The following CNTN5 variants were observed in gnomAD, a reference collection of about 807,000 sequenced individuals.
The protein encoded by CNTN5 is contactin-5.
Under a neutral mutation model 129.1 loss-of-function variants are expected in CNTN5, and 77 were observed. That is an observed-to-expected ratio of 0.60 (90% CI 0.50 to 0.72). CNTN5 has a LOEUF of 0.72. Among genes scored for constraint, CNTN5 ranks in the 30% least tolerant of loss-of-function variants. The probability of loss-of-function intolerance (pLI) is 0.00; values close to 1 mark genes in which losing one functional copy is unlikely to be tolerated. For synonymous variants in CNTN5, 509 were observed against 465.6 expected (o/e 1.09, Z -1.20); for missense variants, 1,478 against 1,328.8 (o/e 1.11, Z -1.75).
chr11:99,027,715 G>A (rs939846141), intron 1 of CNTN5, among the ~76,000 whole-genome samples: 5 of 151,664 alleles, frequency 3.3e-5, no homozygotes, highest in Non-Finnish European at 5.9e-5. Flanking sequence ...TTGAGTGGAA[G>A]GCAGTTTAAA....
Position 99,527,702 on chromosome 11 carries a change from A to G in CNTN5, c.-70-28443A>G, listed in dbSNP as rs1236449616. Among the ~76,000 whole-genome samples the G allele has an allele frequency of 2.0e-5, 3 of 152,346 alleles. No individual in the cohort carries two copies. In the East Asian group the frequency reaches 5.8e-4, roughly 29 times the overall value. On this transcript the variant is annotated intron_variant, in intron 2 of 24. Transcript: ENST00000524871. Reference sequence around the variant, plus strand: ...GAAGCCATGTGAAGTGAGGTTCAGCAGAAGCCTCGAATGGGAAAGTGTTCA... The same window carrying G: ...GAAGCCATGTGAAGTGAGGTTCAGCGGAAGCCTCGAATGGGAAAGTGTTCA...
rs757656509 is a variant in CNTN5, at chr11:99,845,200, A to G, written c.515A>G (p.Gln172Arg). Residue 172 changes from glutamine (Q) to arginine (R), a missense_variant, in exon 6 of 25, where the codon CAG becomes CGG. Coordinates refer to ENST00000524871, the MANE Select transcript of CNTN5 (RefSeq NM_014361.4). ...PSEAKDSGHYQCLATNTVGSI... is the reference protein window; with the variant it reads ...PSEAKDSGHYRCLATNTVGSI... Reference sequence around the variant, plus strand: ...GAAGCAAAGGATTCTGGTCATTATCAGTGTTTAGCAACCAACACTGTGGGG... The same window carrying G: ...GAAGCAAAGGATTCTGGTCATTATCGGTGTTTAGCAACCAACACTGTGGGG... 16 of 1,613,638 alleles carry G rather than the reference A, an allele frequency of 9.9e-6. No individual in the cohort carries two copies. The Admixed American group carries it at 2.5e-4, about 25-fold the overall frequency.
chr11:99,832,748 G>A (rs1048533032), intron 4 of CNTN5, among the ~76,000 whole-genome samples: 8 of 152,036 alleles, frequency 5.3e-5, no homozygotes, highest in East Asian at 1.9e-4. Context: ...GTCACATAAA[G>A]TATACTAATG....
intron 2 of CNTN5, among the ~76,000 whole-genome samples, chr11:99,524,460 C>G (rs1349698416): frequency 6.6e-6 from 1 of 151,970 alleles, no homozygotes; most frequent in African/African-American, 2.4e-5. Flanking sequence ...ATCACCAAAG[C>G]CTTTAGTGGT....
At chr11:99,741,208 C>T (rs535091944) in intron 3 of CNTN5, among the ~76,000 whole-genome samples, 15 of 152,180 alleles carry the variant, frequency 9.9e-5, no homozygotes, top group East Asian at 1.9e-4. Context: ...CTAATTAGAA[C>T]GACTAACAGT....
At chr11:99,178,569 T>C (rs1025754017) in intron 1 of CNTN5, among the ~76,000 whole-genome samples, 10 of 151,960 alleles carry the variant, frequency 6.6e-5, no homozygotes, top group African/African-American at 1.9e-4. Flanking sequence ...GAGAAATAAG[T>C]GTCATTAATG....
intron 6 of CNTN5, among the ~76,000 whole-genome samples, chr11:99,855,111 C>T (rs553246342): frequency 6.7e-4 from 102 of 152,166 alleles, no homozygotes; most frequent in South Asian, 3.7e-3. Flanking sequence ...GAGTTCAAGA[C>T]CAGCCTGGGC....
intron 3 of CNTN5, among the ~76,000 whole-genome samples, chr11:99,628,421 A>T (rs1362551070): frequency 2.6e-5 from 4 of 152,090 alleles, no homozygotes; most frequent in African/African-American, 7.2e-5. Context: ...AAAGTAAAGC[A>T]TCTGTTATTC....
intron 3 of CNTN5, among the ~76,000 whole-genome samples, chr11:99,687,782 T>G (rs1953859399): frequency 6.6e-6 from 1 of 152,224 alleles, no homozygotes; most frequent in South Asian, 2.1e-4. Flanking sequence ...TGCAAAAGTC[T>G]TGGTAATATG....
chr11:99,247,071 A>G (rs1397655827), intron 1 of CNTN5, among the ~76,000 whole-genome samples: 1 of 152,164 alleles, frequency 6.6e-6, no homozygotes, highest in African/African-American at 2.4e-5. Context: ...GTATAATCAA[A>G]CATCTATGTA....
At chr11:99,771,047 G>A (rs191939973) in intron 3 of CNTN5, among the ~76,000 whole-genome samples, 8 of 152,112 alleles carry the variant, frequency 5.3e-5, no homozygotes, top group African/African-American at 1.9e-4. Flanking sequence ...AATGGAGAAA[G>A]GATAAACTCT....
chr11:99,871,600 T>A (rs901763066), intron 6 of CNTN5, among the ~76,000 whole-genome samples: 23 of 151,960 alleles, frequency 1.5e-4, no homozygotes, highest in African/African-American at 5.6e-4. Context: ...TTATATACAT[T>A]TATGGCTTAG....
chr11:99,838,737 C>T (rs1386908881), intron 4 of CNTN5, among the ~76,000 whole-genome samples: 1 of 152,170 alleles, frequency 6.6e-6, no homozygotes, highest in Non-Finnish European at 1.5e-5. Context: ...AGTTCCTTAC[C>T]ATGTCGGCCT....
At chr11:99,794,588 C>A (rs1432698947) in intron 3 of CNTN5, among the ~76,000 whole-genome samples, 1 of 152,108 alleles carries the variant, frequency 6.6e-6, no homozygotes, top group Non-Finnish European at 1.5e-5. Context: ...ATTTAGCACT[C>A]CTTCAGGATG....
chr11:99,624,344 A>G (rs866850847), intron 3 of CNTN5, among the ~76,000 whole-genome samples: 3 of 152,248 alleles, frequency 2.0e-5, no homozygotes, highest in Non-Finnish European at 2.9e-5. Flanking sequence ...TTCTGCCTTA[A>G]GTAGTCTCAC....
At position 99,661,469 on chromosome 11, in the gene CNTN5, TAATG is replaced by T. The variant is rs144798293; in HGVS notation, c.55+105201_55+105204del. Among the ~76,000 whole-genome samples the T allele has an allele frequency of 4.6e-3, 694 of 152,224 alleles. 21 individuals carry two copies. In the East Asian group the frequency reaches 0.092, roughly 20 times the overall value. On this transcript the variant is annotated intron_variant, in intron 3 of 24. Coordinates refer to ENST00000524871, the MANE Select transcript of CNTN5 (RefSeq NM_014361.4). ...TTGTCAAGAATAAGCAATCACTTAA[TAATG>T]GGTTATTTTAATAATCTTAGATCCA...
chr11:99,830,540 A>T (rs981050945), intron 4 of CNTN5, among the ~76,000 whole-genome samples: 6 of 152,152 alleles, frequency 3.9e-5, no homozygotes, highest in Admixed American at 3.9e-4. Context: ...TGTTTGAGAG[A>T]CACAAGCACA....
intron 2 of CNTN5, among the ~76,000 whole-genome samples, chr11:99,518,741 A>C (rs1319646395): frequency 1.3e-5 from 2 of 152,064 alleles, no homozygotes; most frequent in Admixed American, 1.3e-4. Flanking sequence ...AATCATTCCT[A>C]ATATCTTCTT....
intron 3 of CNTN5, among the ~76,000 whole-genome samples, chr11:99,556,575 A>ATATATATG (rs1948676664): frequency 7.1e-6 from 1 of 141,308 alleles, no homozygotes; most frequent in Non-Finnish European, 1.6e-5. Context: ...ATATATATAT[A>ATATATATG]TATATATATA....
Sources: allele counts gnomAD v4.1 joint callset (sites outside exome capture counted in the v4.1 genomes callset), GRCh38; gene constraint gnomAD v4.1.1; transcripts MANE v1.5; gene names NCBI Gene and HGNC (gene_info 2026-07-23, HGNC 2026-07-21).